Variants in NTNG1 observed in about 807,000 individuals in gnomAD.
The protein encoded by NTNG1 is netrin G1.
A neutral mutation model predicts 54.0 loss-of-function variants in NTNG1; 16 were observed. The ratio of observed to expected loss-of-function variants is 0.30; its 90% CI spans 0.20 to 0.45. NTNG1 has a LOEUF of 0.45. NTNG1 is among the 20% of genes least tolerant of loss of function. The pLI is 1.00. For missense variants in NTNG1, 530 were observed against 678.7 expected (o/e 0.78, Z 2.43); for synonymous variants, 255 against 263.1 (o/e 0.97, Z 0.30).
At chr1:107,317,098 G>A (rs72985549) in intron 2 of NTNG1, among the ~76,000 whole-genome samples, 3,489 of 152,122 alleles carry the variant, frequency 0.023, 101 homozygotes, top group African/African-American at 0.071. Context: ...ATACTCATGC[G>A]GAGAAGAAAA....
At chr1:107,478,599 G>A (rs141764529) in intron 7 of NTNG1, among the ~76,000 whole-genome samples, 3 of 152,176 alleles carry the variant, frequency 2.0e-5, no homozygotes, top group African/African-American at 7.2e-5. Flanking sequence ...ATTATTCAAG[G>A]CAAGCAATTA....
intron 2 of NTNG1, among the ~76,000 whole-genome samples, chr1:107,253,669 G>A (rs994821422): frequency 3.9e-5 from 6 of 152,104 alleles, no homozygotes; most frequent in South Asian, 4.1e-4. Context: ...TAATGGCTTC[G>A]CTGATATTTA....
chr1:107,179,065 C>T (rs1041240006), intron 2 of NTNG1, among the ~76,000 whole-genome samples: 1 of 152,166 alleles, frequency 6.6e-6, no homozygotes, highest in Non-Finnish European at 1.5e-5. Flanking sequence ...TTTAGCCCTG[C>T]CCTCCCCACA....
At chr1:107,142,648 C>A in intron 1 of NTNG1, among the ~76,000 whole-genome samples, 1 of 148,140 alleles carries the variant, frequency 6.8e-6, no homozygotes, top group African/African-American at 2.5e-5. Context: ...ACTGAAAATA[C>A]TAAAAGTTGT....
chr1:107,170,835 AG>A (rs1656164974), intron 2 of NTNG1, among the ~76,000 whole-genome samples: 1 of 152,176 alleles, frequency 6.6e-6, no homozygotes, highest in Admixed American at 6.6e-5. Context: ...CAGTCATTAA[AG>A]AATATATTCA....
At chr1:107,168,403 A>G (rs1195487761) in intron 2 of NTNG1, among the ~76,000 whole-genome samples, 1 of 152,038 alleles carries the variant, frequency 6.6e-6, no homozygotes, top group Non-Finnish European at 1.5e-5. Flanking sequence ...CTGATATATA[A>G]ATCTTATTTG....
chr1:107,467,160 T>A (rs560488370), intron 7 of NTNG1, among the ~76,000 whole-genome samples: 1 of 152,328 alleles, frequency 6.6e-6, no homozygotes, highest in East Asian at 1.9e-4. Flanking sequence ...TTGTTTATTT[T>A]TCTCATCATT....
At chr1:107,364,882 C>A (rs891144395) in intron 3 of NTNG1, among the ~76,000 whole-genome samples, 1 of 152,218 alleles carries the variant, frequency 6.6e-6, no homozygotes, top group East Asian at 1.9e-4. Context: ...GTTGATCTAC[C>A]TTTTGTCTCC....
At chr1:107,269,731 T>C (rs6672517) in intron 2 of NTNG1, among the ~76,000 whole-genome samples, 5,271 of 152,314 alleles carry the variant, frequency 0.035, 302 homozygotes, top group African/African-American at 0.12. Flanking sequence ...GTAAGATTCT[T>C]ATGGTTGTAA....
intron 7 of NTNG1, among the ~76,000 whole-genome samples, chr1:107,468,226 C>T (rs1677730204): frequency 6.6e-6 from 1 of 152,164 alleles, no homozygotes; most frequent in Non-Finnish European, 1.5e-5. Context: ...ATATTTAGAA[C>T]ACTCCTACCA....
chr1:107,440,832 A>G (rs1675920678), intron 7 of NTNG1, among the ~76,000 whole-genome samples: 1 of 152,114 alleles, frequency 6.6e-6, no homozygotes, highest in South Asian at 2.1e-4. Context: ...TTGAGAGGCC[A>G]CCAATTATGT....
intron 2 of NTNG1, among the ~76,000 whole-genome samples, chr1:107,150,387 T>C (rs1184529380): frequency 6.6e-6 from 1 of 152,148 alleles, no homozygotes; most frequent in Non-Finnish European, 1.5e-5. Context: ...AGGTCAACTA[T>C]AAGAGCTCAT....
intron 7 of NTNG1, among the ~76,000 whole-genome samples, chr1:107,469,389 C>T (rs999956596): frequency 6.6e-6 from 1 of 152,164 alleles, no homozygotes; most frequent in African/African-American, 2.4e-5. Context: ...AATAATTTTC[C>T]CTTTCAGCTA....
rs563047595 is a variant in NTNG1, at chr1:107,158,013, A to T, written c.246+9174A>T. ...ATAATCTTAGGGCTGGGAAAGATTC[A>T]TCTGAGTGCCTGCTTCTGTCTTTTG... On this transcript the variant is annotated intron_variant, in intron 2 of 7. Coordinates refer to ENST00000370068, the MANE Select transcript of NTNG1 (RefSeq NM_001113226.3). Among the ~76,000 whole-genome samples, 15 of 152,274 alleles carry T rather than the reference A, an allele frequency of 9.9e-5. No individual in the cohort carries two copies. In the South Asian group the frequency reaches 2.5e-3, roughly 25 times the overall value.
intron 2 of NTNG1, among the ~76,000 whole-genome samples, chr1:107,287,935 C>T (rs889199648): frequency 7.9e-5 from 12 of 152,048 alleles, no homozygotes; most frequent in African/African-American, 2.9e-4. Context: ...TAACAAATGA[C>T]AGCTATCACT....
intron 7 of NTNG1, among the ~76,000 whole-genome samples, chr1:107,479,201 G>T (rs971592465): frequency 2.6e-5 from 4 of 152,178 alleles, no homozygotes; most frequent in Admixed American, 6.5e-5. Context: ...TCTATTTAGG[G>T]CACTCTGTTA....
intron 7 of NTNG1, among the ~76,000 whole-genome samples, chr1:107,457,560 A>G (rs1041461103): frequency 6.6e-6 from 1 of 152,214 alleles, no homozygotes; most frequent in Non-Finnish European, 1.5e-5. Flanking sequence ...GTAATGCTCT[A>G]AGACAAATAG....
chr1:107,194,013 C>T (rs1372430790), intron 2 of NTNG1, among the ~76,000 whole-genome samples: 3 of 152,000 alleles, frequency 2.0e-5, no homozygotes, highest in Non-Finnish European at 4.4e-5. Context: ...CACCATTTAT[C>T]TAATGATTTC....
At chr1:107,161,707 G>A (rs1032885432) in intron 2 of NTNG1, among the ~76,000 whole-genome samples, 1 of 149,902 alleles carries the variant, frequency 6.7e-6, no homozygotes, top group Non-Finnish European at 1.5e-5. Flanking sequence ...AAACCTCCAC[G>A]ACTTATGATT....
Sources: gnomAD v4.1 joint callset for allele counts (sites outside exome capture counted in the v4.1 genomes callset) on GRCh38, gnomAD v4.1.1 for gene constraint, MANE v1.5 for transcripts, NCBI Gene and HGNC (gene_info 2026-07-23, HGNC 2026-07-21) for gene names.